OCA2: variants seen among roughly 807,000 people sequenced by gnomAD.
OCA2 encodes P protein.
Under a neutral mutation model 100.2 loss-of-function variants are expected in OCA2, and 77 were observed. The ratio of observed to expected loss-of-function variants is 0.77; its 90% confidence interval spans 0.64 to 0.93. The LOEUF (loss-of-function observed/expected upper bound fraction) is 0.93. OCA2 is among the 40% of genes least tolerant of loss of function. The pLI, the probability that OCA2 is intolerant of heterozygous loss-of-function variation, is 0.00. For missense variants in OCA2, 1,062 were observed against 1,089.1 expected, an observed-to-expected ratio of 0.98 and a Z score of 0.35; for synonymous variants, 432 against 439.2, an observed-to-expected ratio of 0.98 and a Z score of 0.21.
intron 22 of OCA2, among the ~76,000 whole-genome samples, chr15:27,849,347 G>C (rs577187895): frequency 6.6e-6 from 1 of 152,288 alleles, no homozygotes; most frequent in South Asian, 2.1e-4. Flanking sequence ...CACTCTCCAC[G>C]CTCACTTCAC....
Position 27,984,358 on chromosome 15 carries a change from A to T in OCA2, c.1364+706T>A, listed in dbSNP as rs561039743. ...CCCAGTATGCACACAGCTGGGAAACATTGCTCTAAAGAAAGTGTAGAAGGC... is the reference window on the plus strand; with the variant it reads ...CCCAGTATGCACACAGCTGGGAAACTTTGCTCTAAAGAAAGTGTAGAAGGC... On this transcript the variant is annotated intron_variant, in intron 13 of 23. Coordinates refer to ENST00000354638, the MANE Select transcript of OCA2 (RefSeq NM_000275.3). Among the ~76,000 whole-genome samples, 18 of 152,198 alleles carry T rather than the reference A, an allele frequency of 1.2e-4. No individual in the cohort carries two copies. In the South Asian group the frequency reaches 1.7e-3, roughly 14 times the overall value.
chr15:28,005,815 A>G (rs2042074983), intron 9 of OCA2, among the ~76,000 whole-genome samples: 1 of 152,212 alleles, frequency 6.6e-6, no homozygotes, highest in African/African-American at 2.4e-5. Context: ...GGAAGTGGTC[A>G]TTTAATCAGC....
chr15:27,914,248 C>T (rs972493961), intron 19 of OCA2, among the ~76,000 whole-genome samples: 1 of 152,192 alleles, frequency 6.6e-6, no homozygotes, highest in South Asian at 2.1e-4. Context: ...AACCCACAGC[C>T]AACATCATAC....
At chr15:28,068,463 CA>C (rs1488562229) in intron 2 of OCA2, among the ~76,000 whole-genome samples, 1 of 151,942 alleles carries the variant, frequency 6.6e-6, no homozygotes, top group Non-Finnish European at 1.5e-5. Context: ...ACCTATCAAC[CA>C]AAAAAAGCCC....
At chr15:27,924,946 A>C (rs72712624) in intron 19 of OCA2, among the ~76,000 whole-genome samples, 29,345 of 152,132 alleles carry the variant, frequency 0.19, 4,130 homozygotes, top group East Asian at 0.62. Context: ...AAGTGGCTAT[A>C]CCAGTATCAG....
chr15:28,061,674 A>G (rs946457630), intron 2 of OCA2, among the ~76,000 whole-genome samples: 2 of 152,216 alleles, frequency 1.3e-5, no homozygotes, highest in Non-Finnish European at 2.9e-5. Context: ...GGCCCTCACC[A>G]GCACCTTGAC....
intron 23 of OCA2, among the ~76,000 whole-genome samples, chr15:27,762,691 C>A (rs1409158613): frequency 2.6e-5 from 4 of 152,182 alleles, no homozygotes; most frequent in African/African-American, 9.7e-5. Flanking sequence ...AATGCACTCC[C>A]CTCAGGGTGT....
At chr15:27,727,680 C>T in the OCA2 span, among the ~76,000 whole-genome samples, 1 of 152,164 alleles carries the variant, frequency 6.6e-6, no homozygotes, top group South Asian at 2.1e-4. Flanking sequence ...AAAGACAACA[C>T]CAAGAAATGA....
At chr15:27,985,837 C>T (rs2041336103) in intron 12 of OCA2, among the ~76,000 whole-genome samples, 3 of 151,912 alleles carry the variant, frequency 2.0e-5, no homozygotes, top group South Asian at 2.1e-4. Context: ...GGATTACAGG[C>T]GTGTGCTACC....
intron 14 of OCA2, among the ~76,000 whole-genome samples, chr15:27,982,673 C>G (rs1410567202): frequency 3.3e-5 from 5 of 152,200 alleles, no homozygotes; most frequent in Non-Finnish European, 5.9e-5. Flanking sequence ...CAGGCACACA[C>G]ACACACAAAC....
rs1343090538 is a variant in OCA2, at chr15:27,989,606, C to T, written c.1177G>A (p.Gly393Ser). 6.2e-7 allele frequency: 1 copy of T among 1,613,968 alleles called. No individual in the cohort carries two copies. Among genetic ancestry groups the T allele is most frequent in the South Asian group, 1.1e-5 (1 of 91,066 alleles). ...ACGGGGAGAGCTGTAATTACCATGC[C>T]AAACAGCAGGGCCAGCGTCTCAAAA... Reference protein sequence around the residue: ...IDFETLALLFGMMILVAIFSE... With the variant: ...IDFETLALLFSMMILVAIFSE... Residue 393 changes from glycine (G) to serine (S), a missense_variant, in exon 11 of 24, where the codon GGC (glycine) becomes AGC (serine). Transcript: ENST00000354638.
chr15:27,766,055 G>A (rs1418909291), intron 23 of OCA2, among the ~76,000 whole-genome samples: 1 of 152,128 alleles, frequency 6.6e-6, no homozygotes, highest in African/African-American at 2.4e-5. Context: ...GGTTCAGACA[G>A]CTCTGACAAA....
chr15:27,720,414 T>G, the OCA2 span, among the ~76,000 whole-genome samples: 1 of 149,924 alleles, frequency 6.7e-6, no homozygotes, highest in Non-Finnish European at 1.5e-5. Flanking sequence ...TATATATGCA[T>G]TTATTTTTTG....
At chr15:27,909,121 A>G (rs2038289663) in intron 19 of OCA2, among the ~76,000 whole-genome samples, 1 of 152,256 alleles carries the variant, frequency 6.6e-6, no homozygotes, top group African/African-American at 2.4e-5. Context: ...AATAAACAGT[A>G]GAGAACTTAC....
chr15:28,015,958 A>G (rs1435178435), intron 8 of OCA2, 146 bp downstream of exon 8: 1 of 717,140 alleles, frequency 1.4e-6, no homozygotes, highest in Admixed American at 2.0e-5. Context: ...CTTTGAGCTC[A>G]CTGTCTACAC....
At chr15:27,897,112 C>A (rs1186409187) in intron 19 of OCA2, among the ~76,000 whole-genome samples, 1 of 151,568 alleles carries the variant, frequency 6.6e-6, no homozygotes, top group Non-Finnish European at 1.5e-5. Context: ...ATGCAGTGAA[C>A]CTGGGAGGGG....
Position 28,028,061 on chromosome 15 carries a change from T to C in OCA2, c.327-2A>G, listed in dbSNP as rs2042809582. On this transcript the variant is annotated splice_acceptor_variant, in intron 3 of 23. Transcript: ENST00000354638. LOFTEE classifies it high-confidence loss of function. ...TGGTAAACAGGTATGCACCGTGACC[T>C]GGAAAGCAAGAGAGGTGTGGTTATC... 1.9e-6 allele frequency: 3 copies of C among 1,614,074 alleles called. No homozygotes were observed. The highest frequency in any genetic ancestry group is 2.2e-5 in the South Asian group (2 of 91,090).
At chr15:27,764,170 C>G (rs528205595) in intron 23 of OCA2, among the ~76,000 whole-genome samples, 1 of 141,856 alleles carries the variant, frequency 7.0e-6, no homozygotes, top group African/African-American at 2.7e-5. Context: ...AGGAGGGAGA[C>G]GGGGAGAGAG....
At chr15:27,949,081 GATAATAAAAAAAAA>G (rs2039943190) in intron 18 of OCA2, among the ~76,000 whole-genome samples, 2 of 150,256 alleles carry the variant, frequency 1.3e-5, no homozygotes, top group African/African-American at 4.9e-5. Flanking sequence ...TTTGCTCTAT[GATAATAAAAAAAAA>G]ATAAAGAGAA....
Sources: allele counts gnomAD v4.1 joint callset (sites outside exome capture counted in the v4.1 genomes callset), GRCh38; gene constraint gnomAD v4.1.1; transcripts MANE v1.5; gene names NCBI Gene and HGNC (gene_info 2026-07-23, HGNC 2026-07-21).